Variants in CSMD1 observed in about 807,000 individuals in gnomAD.
The protein encoded by CSMD1 is CUB and Sushi multiple domains 1.
In CSMD1, 213 loss-of-function variants were observed where a neutral mutation model predicts 417.5. The ratio of observed to expected loss-of-function variants is 0.51; its 90% CI spans 0.46 to 0.57. The LOEUF (loss-of-function observed/expected upper bound fraction) is 0.57, where lower values mean the gene tolerates loss of function less well. Among genes scored for constraint, CSMD1 ranks in the 20% least tolerant of loss-of-function variants. The pLI, the probability that CSMD1 is intolerant of heterozygous loss-of-function variation, is 0.00. For missense variants in CSMD1, 6,923 were observed against 4,529.7 expected (o/e 1.53, Z -15.17); for synonymous variants, 2,862 against 1,736.8 (o/e 1.65, Z -16.11).
chr8:2,938,796 T>G, intron 69 of CSMD1, 52 bp from the exon 70 acceptor site: 2 of 1,508,512 alleles, frequency 1.3e-6, no homozygotes, highest in Non-Finnish European at 9.0e-7. Flanking sequence ...TTTGCAGATT[T>G]AGCAGCTGGG....
chr8:4,528,398 G>A (rs1004737776), intron 2 of CSMD1, among the ~76,000 whole-genome samples: 27 of 152,160 alleles, frequency 1.8e-4, no homozygotes, highest in Admixed American at 7.9e-4. Flanking sequence ...CAGAAGGTAA[G>A]TGGAATATGC....
At chr8:4,073,405 A>G (rs1339476429) in intron 3 of CSMD1, among the ~76,000 whole-genome samples, 1 of 152,096 alleles carries the variant, frequency 6.6e-6, no homozygotes. Context: ...ATTTAGAAGA[A>G]GCTGAGGGAA....
intron 2 of CSMD1, among the ~76,000 whole-genome samples, chr8:4,545,851 T>A (rs189978221): frequency 1.3e-5 from 2 of 152,228 alleles, no homozygotes; most frequent in Admixed American, 1.3e-4. Flanking sequence ...TCTAGGAAGA[T>A]CATTTCATCA....
intron 10 of CSMD1, among the ~76,000 whole-genome samples, chr8:3,494,171 C>A (rs1796263360): frequency 1.3e-5 from 2 of 152,098 alleles, no homozygotes. Context: ...CATATTAGCA[C>A]CCCAAAAGAC....
intron 11 of CSMD1, among the ~76,000 whole-genome samples, chr8:3,484,847 G>T (rs1817934470): frequency 6.6e-6 from 1 of 152,146 alleles, no homozygotes; most frequent in African/African-American, 2.4e-5. Context: ...TTAGCCATCA[G>T]GAAAATGCAA....
At chr8:4,089,348 C>A (rs1009670119) in intron 3 of CSMD1, among the ~76,000 whole-genome samples, 3 of 152,126 alleles carry the variant, frequency 2.0e-5, no homozygotes, top group African/African-American at 4.8e-5. Context: ...TGGGGGAAAG[C>A]ACAGGCTTTC....
intron 5 of CSMD1, among the ~76,000 whole-genome samples, chr8:3,775,964 G>T (rs1373050252): frequency 2.0e-5 from 3 of 152,166 alleles, no homozygotes; most frequent in Non-Finnish European, 4.4e-5. Context: ...CCAAATTCAT[G>T]TCATCAGCCC....
intron 41 of CSMD1, among the ~76,000 whole-genome samples, chr8:3,132,494 C>T (rs1439532681): frequency 6.6e-6 from 1 of 152,082 alleles, no homozygotes. Context: ...TGTTTGTCTT[C>T]AAAGTGTCAC....
rs1014823476 is a variant in CSMD1 at position 4,419,560 on chromosome 8, T to C, written c.415+393A>G. 9.2e-5 allele frequency among the ~76,000 whole-genome samples: 14 copies of C among 152,186 alleles called. No individual in the cohort carries two copies. In the South Asian group the frequency reaches 2.3e-3, roughly 25 times the overall value. ...GCTTTGACAACAAAAGTTCATTTAATGAAATTTCCTTTACTCAAGCACTAT... is the reference window on the plus strand; with the variant it reads ...GCTTTGACAACAAAAGTTCATTTAACGAAATTTCCTTTACTCAAGCACTAT... On this transcript the variant is annotated intron_variant, in intron 3 of 69. Coordinates refer to ENST00000635120, the MANE Select transcript of CSMD1 (RefSeq NM_033225.6).
intron 1 of CSMD1, among the ~76,000 whole-genome samples, chr8:4,920,561 C>T (rs910951010): frequency 6.6e-6 from 1 of 152,126 alleles, no homozygotes; most frequent in African/African-American, 2.4e-5. Context: ...GTGGCTCATG[C>T]CTGTAATCCC....
intron 6 of CSMD1, among the ~76,000 whole-genome samples, chr8:3,736,799 G>C (rs1007473232): frequency 6.6e-6 from 1 of 152,234 alleles, no homozygotes; most frequent in African/African-American, 2.4e-5. Context: ...AAGTGGGAGT[G>C]GCATAAATAG....
chr8:4,148,525 A>T (rs998801324), intron 3 of CSMD1, among the ~76,000 whole-genome samples: 16 of 152,150 alleles, frequency 1.1e-4, no homozygotes, highest in African/African-American at 3.9e-4. Context: ...TAATTAAAAA[A>T]AAAAACGCAT....
intron 3 of CSMD1, among the ~76,000 whole-genome samples, chr8:4,248,489 G>T (rs961396964): frequency 6.6e-6 from 1 of 152,128 alleles, no homozygotes; most frequent in African/African-American, 2.4e-5. Context: ...GAATACTTTT[G>T]AACTATTCAT....
intron 50 of CSMD1, among the ~76,000 whole-genome samples, chr8:3,042,794 G>C (rs1441307843): frequency 6.6e-6 from 1 of 151,964 alleles, no homozygotes; most frequent in Non-Finnish European, 1.5e-5. Context: ...TTTCTACATT[G>C]AGTTATTTAT....
At chr8:4,423,755 C>T (rs114445376) in intron 2 of CSMD1, among the ~76,000 whole-genome samples, 1 of 151,856 alleles carries the variant, frequency 6.6e-6, no homozygotes, top group Non-Finnish European at 1.5e-5. Context: ...TAGAATAGCT[C>T]AAACATTTTG....
intron 1 of CSMD1, among the ~76,000 whole-genome samples, chr8:4,821,500 T>C (rs565552409): frequency 6.6e-6 from 1 of 152,148 alleles, no homozygotes; most frequent in African/African-American, 2.4e-5. Flanking sequence ...TTCATGCACA[T>C]TCTTCATGAA....
At chr8:3,326,916 C>T (rs1184027475) in intron 23 of CSMD1, among the ~76,000 whole-genome samples, 1 of 152,002 alleles carries the variant, frequency 6.6e-6, no homozygotes, top group African/African-American at 2.4e-5. Flanking sequence ...TTTGCTCATG[C>T]CTGTAATCTC....
At chr8:4,360,793 C>T (rs911916475) in intron 3 of CSMD1, among the ~76,000 whole-genome samples, 1 of 151,590 alleles carries the variant, frequency 6.6e-6, no homozygotes, top group African/African-American at 2.4e-5. Flanking sequence ...TGCACCCGGC[C>T]CCTCGGGGTT....
At chr8:4,054,238 G>C (rs1430918162) in intron 3 of CSMD1, among the ~76,000 whole-genome samples, 2 of 152,176 alleles carry the variant, frequency 1.3e-5, no homozygotes, top group Non-Finnish European at 2.9e-5. Flanking sequence ...GCTGAACATG[G>C]ACAAATGACG....
Sources: allele counts gnomAD v4.1 joint callset (sites outside exome capture counted in the v4.1 genomes callset), GRCh38; gene constraint gnomAD v4.1.1; transcripts MANE v1.5; gene names NCBI Gene and HGNC (gene_info 2026-07-23, HGNC 2026-07-21).